VGLL4: variants seen among roughly 807,000 people sequenced by gnomAD.
The protein encoded by VGLL4 is vestigial like family member 4.
Under a neutral mutation model 21.0 loss-of-function variants are expected in VGLL4, and 7 were observed. The observed-to-expected ratio is 0.33, with a 90% CI of 0.19 to 0.63. VGLL4 has a LOEUF of 0.63. VGLL4 is among the 20% of genes least tolerant of loss of function. VGLL4 has a pLI of 0.78. For missense variants in VGLL4, 394 were observed against 425.7 expected, an observed-to-expected ratio of 0.93 and a Z score of 0.66; for synonymous variants, 222 against 173.2, an observed-to-expected ratio of 1.28 and a Z score of -2.21.
chr3:11,702,095 A>C (rs1401710498), intron 2 of VGLL4, among the ~76,000 whole-genome samples: 1 of 152,090 alleles, frequency 6.6e-6, no homozygotes, highest in Non-Finnish European at 1.5e-5. Flanking sequence ...ACTGTTTTCC[A>C]TTATGACACA....
chr3:11,617,236 G>A (rs1380753471), intron 1 of VGLL4, among the ~76,000 whole-genome samples: 1 of 152,158 alleles, frequency 6.6e-6, no homozygotes, highest in African/African-American at 2.4e-5. Context: ...AGAGTATGAG[G>A]CAAGGCAGAG....
chr3:11,617,769 A>G lies in VGLL4; in HGVS notation c.83-15747T>C, dbSNP rs539372545. On this transcript the variant is annotated intron_variant, in intron 1 of 4. Transcript: ENST00000430365. Reference sequence around the variant, plus strand: ...TACACTTGTTCCCTAGCTTATCAATATGTAACAAGGAAGAGTGAGTTAGTG... The same window carrying G: ...TACACTTGTTCCCTAGCTTATCAATGTGTAACAAGGAAGAGTGAGTTAGTG... 4.6e-5 allele frequency among the ~76,000 whole-genome samples: 7 copies of G among 152,366 alleles called. No individual in the cohort carries two copies. The East Asian group carries it at 7.7e-4, about 17-fold the overall frequency.
intron 2 of VGLL4, among the ~76,000 whole-genome samples, chr3:11,655,986 G>C (rs1346605318): frequency 6.6e-6 from 1 of 152,194 alleles, no homozygotes; most frequent in Non-Finnish European, 1.5e-5. Flanking sequence ...CAGAATCTAA[G>C]CTGGGAACAG....
intron 2 of VGLL4, among the ~76,000 whole-genome samples, chr3:11,681,712 G>A (rs1441731410): frequency 6.6e-6 from 1 of 152,190 alleles, no homozygotes; most frequent in Admixed American, 6.5e-5. Context: ...GAAGGAAGGG[G>A]CCTACAGAGG....
intron 1 of VGLL4, among the ~76,000 whole-genome samples, chr3:11,717,194 C>T (rs1260071283): frequency 2.0e-5 from 3 of 147,714 alleles, no homozygotes; most frequent in Admixed American, 6.8e-5. Flanking sequence ...TTTTTTGAGA[C>T]GGAGTTTCAC....
intron 1 of VGLL4, among the ~76,000 whole-genome samples, chr3:11,625,065 G>A (rs899761730): frequency 6.6e-6 from 1 of 152,116 alleles, no homozygotes; most frequent in South Asian, 2.1e-4. Flanking sequence ...TGCAAAAGAA[G>A]AACTAAGGCA....
chr3:11,624,402 C>T (rs986095168), intron 1 of VGLL4, among the ~76,000 whole-genome samples: 2 of 152,150 alleles, frequency 1.3e-5, no homozygotes, highest in Admixed American at 6.5e-5. Context: ...GCCTGATGAA[C>T]GAGTTTCAGA....
rs1362248513 is a variant in VGLL4 at position 11,573,371 on chromosome 3, GAAAGAA to G, written c.273-8358_273-8353del. 6.8e-4 allele frequency among the ~76,000 whole-genome samples: 96 copies of G among 141,996 alleles called. 1 individual carries two copies. The highest frequency in any genetic ancestry group is 2.5e-3 in the African/African-American group (95 of 38,182). The allele number at this position is 141,996 out of a possible 152,430, so 93.2% of individuals were successfully genotyped here. On this transcript the variant is annotated intron_variant, in intron 2 of 4. Coordinates refer to ENST00000430365, the MANE Select transcript of VGLL4 (RefSeq NM_001128219.3). ...AGAAAGAAAGAAAGAAAGAAAGAAA[GAAAGAA>G]AGAAAGAAAGAAAGAAAGAAAATGG...
chr3:11,561,870 C>G (rs969693227), intron 3 of VGLL4, among the ~76,000 whole-genome samples: 2 of 151,602 alleles, frequency 1.3e-5, no homozygotes, highest in African/African-American at 4.9e-5. Context: ...GAAAGCAACC[C>G]CCAAGGCTGG....
intron 2 of VGLL4, among the ~76,000 whole-genome samples, chr3:11,696,863 C>T (rs959896875): frequency 3.3e-5 from 5 of 152,108 alleles, no homozygotes; most frequent in African/African-American, 7.2e-5. Context: ...CTCTGCCTCC[C>T]GAGTAGCTGG....
At chr3:11,687,688 AAC>A in intron 2 of VGLL4, among the ~76,000 whole-genome samples, 1 of 152,346 alleles carries the variant, frequency 6.6e-6, no homozygotes, top group African/African-American at 2.4e-5. Context: ...TCACTCTTAT[AAC>A]CAGCTGCCTT....
chr3:11,597,093 C>T (rs2074664147), intron 2 of VGLL4, among the ~76,000 whole-genome samples: 2 of 152,128 alleles, frequency 1.3e-5, no homozygotes, highest in South Asian at 2.1e-4. Flanking sequence ...GGACAGGGTT[C>T]TTGTTTGTCA....
In VGLL4 at chr3:11,653,996, T is replaced by C. The variant is rs549900245; in HGVS notation, c.64+48975A>G. ...TCCTCAGGAGACATCTGGCAATGTC[T>C]GGTTATTTCAAATTTGGGGGTGTTG... On this transcript the variant is annotated intron_variant, in intron 2 of 5. Transcript: ENST00000273038. This position sits in a 1 kb window ranked among gnomAD's most constrained non-coding sequence, Gnocchi z 4.2. Among the ~76,000 whole-genome samples the C allele has an allele frequency of 1.3e-5, 2 of 152,282 alleles. No individual in the cohort carries two copies. The highest frequency in any genetic ancestry group is 2.1e-4 in the South Asian group (1 of 4,814).
chr3:11,602,681 TTC>T (rs1383176118), intron 1 of VGLL4, among the ~76,000 whole-genome samples: 1 of 152,190 alleles, frequency 6.6e-6, no homozygotes, highest in Non-Finnish European at 1.5e-5. Flanking sequence ...GTAGGTGCAG[TTC>T]TGAAACATGT....
At chr3:11,608,996 C>T (rs1267504067) in intron 1 of VGLL4, among the ~76,000 whole-genome samples, 2 of 152,036 alleles carry the variant, frequency 1.3e-5, no homozygotes, top group Non-Finnish European at 2.9e-5. Flanking sequence ...CGAGTGTAGC[C>T]GGGACTACAA....
Position 11,565,939 on chromosome 3 carries a change from A to C in VGLL4, c.273-920T>G, listed in dbSNP as rs1436367767. Among the ~76,000 whole-genome samples, 5 of 152,168 alleles carry C rather than the reference A, an allele frequency of 3.3e-5. No individual in the cohort carries two copies. Among genetic ancestry groups the C allele is most frequent in the African/African-American group, 1.2e-4 (5 of 41,438 alleles). ...TCTTGCCCCTTCAATCCACCATATT[A>C]TCCGCTGACAGAGTAACCTTTTTCC... is the stretch of plus-strand genomic sequence containing the variant. On this transcript the variant is annotated intron_variant, in intron 2 of 4. Transcript: ENST00000430365. This position sits in a 1 kb window ranked among gnomAD's most constrained non-coding sequence, Gnocchi z 4.1.
In VGLL4 at chr3:11,658,305, T is replaced by C. The variant is rs922058024; in HGVS notation, c.64+44666A>G. On this transcript the variant is annotated intron_variant, in intron 2 of 5. Coordinates refer to the VGLL4 transcript ENST00000273038. ...CACCTGCACGTTCAGGACTGTCTAC[T>C]CCCCAAAGCAATAATCAAACTACCA... is the stretch of plus-strand genomic sequence containing the variant. Among the ~76,000 whole-genome samples the C allele has an allele frequency of 3.9e-5, 6 of 152,068 alleles. No homozygotes were observed. The East Asian group carries it at 1.2e-3, about 29-fold the overall frequency.
At chr3:11,634,297 G>A (rs991195821) in intron 1 of VGLL4, among the ~76,000 whole-genome samples, 5 of 152,046 alleles carry the variant, frequency 3.3e-5, no homozygotes, top group African/African-American at 1.2e-4. Flanking sequence ...TGGAAACCTG[G>A]GAGGCACCCT....
intron 2 of VGLL4, among the ~76,000 whole-genome samples, chr3:11,566,894 T>A (rs2073559009): frequency 6.6e-6 from 1 of 151,984 alleles, no homozygotes; most frequent in Non-Finnish European, 1.5e-5. Context: ...AACGGGTGAA[T>A]GAAGAGAAGC....
Sources: gnomAD v4.1 joint callset for allele counts (sites outside exome capture counted in the v4.1 genomes callset) on GRCh38, gnomAD v4.1.1 for gene constraint, Gnocchi (gnomAD v3.1) non-coding constraint, MANE v1.5 for transcripts, NCBI Gene and HGNC (gene_info 2026-07-23, HGNC 2026-07-21) for gene names.